The following PHLPP1 variants were observed in gnomAD, a reference collection of about 807,000 sequenced individuals.
PHLPP1 encodes the protein PH domain and leucine rich repeat protein phosphatase 1, also known as PH domain leucine-rich repeat-containing protein phosphatase 1.
In PHLPP1, 42 loss-of-function variants were observed where a neutral mutation model predicts 117.2. That is an observed-to-expected ratio of 0.36 (90% confidence interval 0.28 to 0.46). The LOEUF is 0.46. Among genes scored for constraint, PHLPP1 ranks in the 20% least tolerant of loss-of-function variants. The pLI is 1.00. For synonymous variants in PHLPP1, 1,042 were observed against 970.7 expected, an observed-to-expected ratio of 1.07 and a Z score of -1.37; for missense variants, 2,084 against 2,241.9, an observed-to-expected ratio of 0.93 and a Z score of 1.42.
chr18:62,767,228 AGGTTAAAAT>A (rs746167806), intron 1 of PHLPP1, among the ~76,000 whole-genome samples: 41 of 152,238 alleles, frequency 2.7e-4, no homozygotes, highest in Non-Finnish European at 4.7e-4. Context: ...GGAATGGGGA[AGGTTAAAAT>A]ACATAATTTC....
chr18:62,953,503 G>A (rs1380826866), intron 12 of PHLPP1, among the ~76,000 whole-genome samples: 1 of 152,134 alleles, frequency 6.6e-6, no homozygotes, highest in East Asian at 1.9e-4. Flanking sequence ...CTGTCCCTGG[G>A]CTGCTATGAC....
intron 8 of PHLPP1, among the ~76,000 whole-genome samples, chr18:62,913,329 T>C (rs1340533317): frequency 6.6e-6 from 1 of 152,218 alleles, no homozygotes; most frequent in Non-Finnish European, 1.5e-5. Context: ...TGTCAATGTT[T>C]AGGGCTTCAA....
chr18:62,816,030 A>T (rs1434664027), intron 1 of PHLPP1, among the ~76,000 whole-genome samples: 1 of 152,208 alleles, frequency 6.6e-6, no homozygotes, highest in Non-Finnish European at 1.5e-5. Context: ...TGCATTATAG[A>T]TGCATTCTAC....
rs371931173 is a variant in PHLPP1, at chr18:62,824,742, G to A, written c.1577-5293G>A. Among the ~76,000 whole-genome samples, 48 of 152,124 alleles carry A rather than the reference G, an allele frequency of 3.2e-4. 2 individuals carry two copies. Among genetic ancestry groups the A allele is most frequent in the East Asian group, 2.9e-3 (15 of 5,176 alleles). ...CTAGAAAAATACTTCACAAAACAGT[G>A]ACTTTTTGGCTCTGAAAAAAATGAC... On this transcript the variant is annotated intron_variant, in intron 1 of 16. Coordinates refer to ENST00000262719, the MANE Select transcript of PHLPP1 (RefSeq NM_194449.4).
At chr18:62,739,041 A>G (rs1454968739) in intron 1 of PHLPP1, among the ~76,000 whole-genome samples, 1 of 152,180 alleles carries the variant, frequency 6.6e-6, no homozygotes, top group Non-Finnish European at 1.5e-5. Flanking sequence ...ATGAGTTAGA[A>G]TTTGGATGTG....
At chr18:62,905,709 C>A (rs563207007) in intron 8 of PHLPP1, among the ~76,000 whole-genome samples, 1 of 151,816 alleles carries the variant, frequency 6.6e-6, no homozygotes, top group African/African-American at 2.4e-5. Flanking sequence ...TTTCTTACAC[C>A]CCTTGTTTAG....
intron 1 of PHLPP1, among the ~76,000 whole-genome samples, chr18:62,775,975 G>T (rs1009078754): frequency 3.9e-5 from 6 of 151,974 alleles, no homozygotes; most frequent in Non-Finnish European, 7.4e-5. Flanking sequence ...AATACAAAAT[G>T]TTGTATTAGG....
At chr18:62,733,280 C>T (rs1911276470) in intron 1 of PHLPP1, among the ~76,000 whole-genome samples, 1 of 152,214 alleles carries the variant, frequency 6.6e-6, no homozygotes, top group Admixed American at 6.5e-5. Flanking sequence ...AGGCTAGACC[C>T]TTCACCAGCA....
chr18:62,803,457 A>G (rs779608182), intron 1 of PHLPP1, among the ~76,000 whole-genome samples: 1 of 152,122 alleles, frequency 6.6e-6, no homozygotes, highest in Non-Finnish European at 1.5e-5. Flanking sequence ...CTTTATATAA[A>G]TAGTAGCTTA....
chr18:62,804,910 A>C (rs1271401795), intron 1 of PHLPP1, among the ~76,000 whole-genome samples: 1 of 149,800 alleles, frequency 6.7e-6, no homozygotes, highest in Admixed American at 6.7e-5. Context: ...CATATACAGT[A>C]TAATATACAC....
At chr18:62,907,967 G>A (rs2144412202) in intron 8 of PHLPP1, among the ~76,000 whole-genome samples, 1 of 1,826 alleles carries the variant, frequency 5.5e-4, no homozygotes, top group East Asian at 6.8e-3. Context: ...AACCCTACAA[G>A]CCAGAAGAGA....
chr18:62,927,833 A>G (rs1909684354), intron 10 of PHLPP1, among the ~76,000 whole-genome samples: 1 of 151,944 alleles, frequency 6.6e-6, no homozygotes, highest in Admixed American at 6.5e-5. Flanking sequence ...AATTTTTTCA[A>G]CAACAAACAA....
chr18:62,832,498 A>G (rs953167762), intron 2 of PHLPP1, among the ~76,000 whole-genome samples: 1 of 152,186 alleles, frequency 6.6e-6, no homozygotes, highest in Non-Finnish European at 1.5e-5. Context: ...TATAATTAGC[A>G]TTTTCATTCA....
At chr18:62,792,852 G>A (rs538945865) in intron 1 of PHLPP1, among the ~76,000 whole-genome samples, 8 of 139,148 alleles carry the variant, frequency 5.7e-5, no homozygotes, top group African/African-American at 2.2e-4. Flanking sequence ...CTTGGTGAGA[G>A]AGCGAGCCTC....
At chr18:62,783,201 G>A (rs1321794166) in intron 1 of PHLPP1, among the ~76,000 whole-genome samples, 1 of 145,094 alleles carries the variant, frequency 6.9e-6, no homozygotes, top group African/African-American at 2.5e-5. Context: ...TCTTGATTCT[G>A]CTCCCCACAA....
In PHLPP1 at chr18:62,978,893, C is replaced by T; in HGVS notation, c.4616C>T (p.Ala1539Val). 6.2e-7 allele frequency: 1 copy of T among 1,607,242 alleles called. No individual in the cohort carries two copies. ...CTATCCAGCGCCACGTTCTCTAGCG[C>T]CTTCTCCGACAACGGCCTTGACAGT... is the stretch of plus-strand genomic sequence containing the variant. ...RQLSSATFSS[A>V]FSDNGLDSDD... The change falls in exon 17 of 17, where the codon GCC becomes GTC. Residue 1539 changes from alanine to valine, a missense_variant. Physicochemically the swap from Ala to Val is moderately conservative, Grantham distance 64. This residue lies in a region of PHLPP1 where 1,365 missense variants were observed against 1,605.9 expected (regional missense o/e 0.85). Transcript: ENST00000262719. The surrounding 1 kb of genome is among the most constrained non-coding windows in gnomAD (Gnocchi z 7.0).
intron 3 of PHLPP1, among the ~76,000 whole-genome samples, chr18:62,844,420 G>A (rs978964471): frequency 6.6e-6 from 1 of 152,138 alleles, no homozygotes; most frequent in Admixed American, 6.5e-5. Flanking sequence ...CAGTGACTTA[G>A]TGTTGTGTCC....
chr18:62,809,592 C>T (rs1215792271), intron 1 of PHLPP1, among the ~76,000 whole-genome samples: 1 of 152,094 alleles, frequency 6.6e-6, no homozygotes, highest in Non-Finnish European at 1.5e-5. Context: ...GTCCCAGCAA[C>T]TCCGGAGCCT....
In PHLPP1 at chr18:62,774,852, TA is replaced by T. The variant is rs569393105; in HGVS notation, c.1577-55172del. ...AAATGGGAACAAACAAAAATACCTCTAAAAAAAAAAAGCAAAAAATAAAACC... is the reference window on the plus strand; with the variant it reads ...AAATGGGAACAAACAAAAATACCTCTAAAAAAAAAAGCAAAAAATAAAACC... On this transcript the variant is annotated intron_variant, in intron 1 of 16. Coordinates refer to ENST00000262719, the MANE Select transcript of PHLPP1 (RefSeq NM_194449.4). Among the ~76,000 whole-genome samples, 207 of 139,564 alleles carry T rather than the reference TA, an allele frequency of 1.5e-3. 1 individual carries two copies. The highest frequency in any genetic ancestry group is 2.4e-3 in the South Asian group (11 of 4,554). 91.6% of individuals were successfully genotyped at this position (139,564 alleles called of 152,430 possible).
Sources: allele counts gnomAD v4.1 joint callset (sites outside exome capture counted in the v4.1 genomes callset), GRCh38; gene constraint gnomAD v4.1.1; regional missense constraint gnomAD v4.1.1; non-coding constraint Gnocchi (gnomAD v3.1); transcripts MANE v1.5; gene names NCBI Gene and HGNC (gene_info 2026-07-23, HGNC 2026-07-21).